The following RUVBL2 variants were observed in gnomAD, a reference collection of about 807,000 sequenced individuals.
The protein encoded by RUVBL2 is RuvB like AAA ATPase 2, also known as ruvB-like 2.
In RUVBL2, 9 loss-of-function variants were observed where a neutral mutation model predicts 57.9. The observed-to-expected ratio is 0.16, with a 90% CI of 0.09 to 0.27. The LOEUF is 0.27. Among genes scored for constraint, RUVBL2 ranks in the 10% least tolerant of loss-of-function variants. RUVBL2 has a pLI of 1.00. For missense variants in RUVBL2, 456 were observed against 669.6 expected (o/e 0.68, Z 3.52); for synonymous variants, 278 against 264.6 (o/e 1.05, Z -0.49).
intron 1 of RUVBL2, chr19:48,994,172 A>G (rs1397642823): frequency 1.7e-6 from 1 of 573,444 alleles, no homozygotes; most frequent in Non-Finnish European, 3.1e-6. Flanking sequence ...CCATCATGCT[A>G]TAGGAACTCC....
In RUVBL2 at chr19:49,007,081, C is replaced by T; in HGVS notation, c.329C>T (p.Ser110Phe). 6.2e-7 allele frequency: 1 copy of T among 1,613,282 alleles called. No individual in the cohort carries two copies. The highest frequency in any genetic ancestry group is 8.5e-7 in the Non-Finnish European group (1 of 1,180,040). The change falls in exon 5 of 15, where the codon TCC (serine) becomes TTC (phenylalanine). Residue 110 changes from serine (S) to phenylalanine (F), a missense_variant. By Grantham distance (155) the Ser-to-Phe change is radical (BLOSUM62 -2). Around this residue, in one of 5 missense-constraint regions of RUVBL2, gnomAD observed 233 missense variants for 306.0 expected, o/e 0.76. Transcript: ENST00000595090. ...FTAIAGSEIF[S>F]LEMSKTEALT... The stretch of plus-strand genomic sequence containing the variant: ...GCCATCGCCGGCAGTGAAATCTTCT[C>T]CCTGGAGATGAGCAAGACCGAGGCG...
chr19:48,998,256 G>T (rs983537100), intron 1 of RUVBL2, among the ~76,000 whole-genome samples: 4 of 152,230 alleles, frequency 2.6e-5, no homozygotes, highest in Non-Finnish European at 5.9e-5. Context: ...GGACTCAGGG[G>T]CCAGCATGTG....
intron 11 of RUVBL2, among the ~76,000 whole-genome samples, chr19:49,013,357 C>A (rs2039474315): frequency 6.6e-6 from 1 of 151,820 alleles, no homozygotes; most frequent in African/African-American, 2.4e-5. Context: ...GCCTCAGCCT[C>A]CCAAAGTGTT....
intron 2 of RUVBL2, among the ~76,000 whole-genome samples, chr19:49,001,187 A>G (rs1437694149): frequency 6.8e-6 from 1 of 147,098 alleles, no homozygotes; most frequent in African/African-American, 2.5e-5. Flanking sequence ...TTGGAGACGG[A>G]GTCTCGCTCT....
intron 1 of RUVBL2, 94 bp from the exon 2 acceptor site, chr19:48,999,225 G>A (rs934877455): frequency 1.5e-6 from 2 of 1,313,252 alleles, no homozygotes. Context: ...TGAGGGGAAG[G>A]AGTGGAAAGG....
intron 2 of RUVBL2, 149 bp from the exon 3 acceptor site, chr19:49,003,130 C>G: frequency 1.3e-6 from 1 of 756,800 alleles, no homozygotes; most frequent in Non-Finnish European, 2.4e-6. Flanking sequence ...TTGGGATATC[C>G]TTTCCATGTG....
rs1226999992 is a variant in RUVBL2 at position 49,009,857 on chromosome 19, C to G, written c.544C>G (p.Leu182Val). Residue 182 changes from leucine to valine, a missense_variant, in exon 7 of 15, where the codon CTG (leucine) becomes GTG (valine). Leu to Val is a conservative substitution (Grantham distance 32). Transcript: ENST00000595090. ...CCTGGGCACCAAGATGATTGAGTCC[C>G]TGACCAAGGACAAGGTCCAGGCCGG... ...YDLGTKMIESLTKDKVQAGDV... is the reference protein window; with the variant it reads ...YDLGTKMIESVTKDKVQAGDV... 4 of 1,613,982 alleles carry G rather than the reference C, an allele frequency of 2.5e-6. No individual in the cohort carries two copies. In the African/African-American group the frequency reaches 4.0e-5, roughly 16 times the overall value.
chr19:49,004,604 C>T (rs2039248635), intron 4 of RUVBL2, among the ~76,000 whole-genome samples, 186 bp downstream of exon 4: 1 of 152,102 alleles, frequency 6.6e-6, no homozygotes, highest in Non-Finnish European at 1.5e-5. Context: ...TAAGCAGTTC[C>T]AGGAAGTCTT....
At chr19:49,003,376 G>A in intron 3 of RUVBL2, 42 bp downstream of exon 3, 1 of 1,595,924 alleles carries the variant, frequency 6.3e-7, no homozygotes, top group Non-Finnish European at 8.6e-7. Context: ...TCTCCATGAA[G>A]GTCTTGGGTA....
At chr19:49,014,896 A>T in intron 12 of RUVBL2, 125 bp from the exon 13 acceptor site, 1 of 1,336,078 alleles carries the variant, frequency 7.5e-7, no homozygotes, top group Non-Finnish European at 1.0e-6. Context: ...TCAGCATTCT[A>T]TGGTTCTAAG....
chr19:49,008,775 C>T (rs939349347), intron 6 of RUVBL2, among the ~76,000 whole-genome samples: 10 of 151,688 alleles, frequency 6.6e-5, no homozygotes, highest in Admixed American at 3.3e-4. Flanking sequence ...GTCAGGAGTT[C>T]AAGACCAGCC....
chr19:49,001,670 T>C (rs1401389478), intron 2 of RUVBL2: 1 of 151,544 alleles, frequency 6.6e-6, no homozygotes, highest in Non-Finnish European at 1.5e-5. Flanking sequence ...TGGAGTGCAG[T>C]GGCGCAATCT....
At chr19:49,003,117 A>G (rs567304377) in intron 2 of RUVBL2, among the ~76,000 whole-genome samples, 162 bp from the exon 3 acceptor site, 26 of 152,192 alleles carry the variant, frequency 1.7e-4, no homozygotes, top group African/African-American at 5.1e-4. Flanking sequence ...GGGAGGTGCC[A>G]ATTTGGGATA....
chr19:49,012,650 C>T (rs2039451437), intron 11 of RUVBL2, among the ~76,000 whole-genome samples: 1 of 152,360 alleles, frequency 6.6e-6, no homozygotes. Context: ...TCACCTGACA[C>T]CCACTTTCCC....
chr19:49,014,582 C>A lies in RUVBL2; in HGVS notation c.1100C>A (p.Thr367Lys), dbSNP rs750596061. The A allele has an allele frequency of 6.2e-7, 1 of 1,613,976 alleles. No homozygotes were observed. The highest frequency in any genetic ancestry group is 1.3e-5 in the African/African-American group (1 of 74,940). Residue 367 changes from threonine to lysine, a missense_variant, in exon 12 of 15, where the codon ACG (threonine) becomes AAG (lysine). Physicochemically the swap from Thr to Lys is moderately conservative, Grantham distance 78. Transcript: ENST00000595090. ...VSTTPYSEKD[T>K]KQILRIRCEE... ...ACCACCCCCTACAGCGAGAAAGACA[C>A]GAAGCAGATCCTCCGCATCCGGTGC...
At position 49,009,878 on chromosome 19, in the gene RUVBL2, G is replaced by T. The variant is rs1308494789; in HGVS notation, c.565G>T (p.Ala189Ser). Residue 189 changes from alanine to serine, a missense_variant, in exon 7 of 15, where the codon GCC becomes TCC. Coordinates refer to ENST00000595090, the MANE Select transcript of RUVBL2 (RefSeq NM_006666.3). ...GTCCCTGACCAAGGACAAGGTCCAG[G>T]CCGGGTGAGCAGTCAGGGGCCATGC... Reference protein sequence around the residue: ...IESLTKDKVQAGDVITIDKAT... With the variant: ...IESLTKDKVQSGDVITIDKAT... 2.5e-6 allele frequency: 4 copies of T among 1,613,880 alleles called. No individual in the cohort carries two copies. The South Asian group carries it at 3.3e-5, about 13-fold the overall frequency.
chr19:49,008,774 TC>T (rs1275062405), intron 6 of RUVBL2, among the ~76,000 whole-genome samples: 1 of 151,582 alleles, frequency 6.6e-6, no homozygotes, highest in African/African-American at 2.4e-5. Flanking sequence ...AGTCAGGAGT[TC>T]AAGACCAGCC....
chr19:49,001,846 G>A (rs928517746), intron 2 of RUVBL2, among the ~76,000 whole-genome samples: 1 of 151,960 alleles, frequency 6.6e-6, no homozygotes, highest in African/African-American at 2.4e-5. Flanking sequence ...TCCTGACCTC[G>A]TGATCCGCCT....
rs368590178 is a variant in RUVBL2 at position 49,011,158 on chromosome 19, C to T, written c.883-34C>T. 2.7e-5 allele frequency: 44 copies of T among 1,608,734 alleles called. No homozygotes were observed. Among genetic ancestry groups the T allele is most frequent in the East Asian group, 2.0e-4 (9 of 44,852 alleles). On this transcript the variant is annotated intron_variant, in intron 10 of 14. Coordinates refer to ENST00000595090, the MANE Select transcript of RUVBL2 (RefSeq NM_006666.3). The surrounding 1 kb of genome is among the most constrained non-coding windows in gnomAD (Gnocchi z 4.4). ...GAGGTGGGCCGGGGAAGTGGGGACG[C>T]GGGTGGTGACTCTCACACACACCCC...
Sources: gnomAD v4.1 joint callset for allele counts (sites outside exome capture counted in the v4.1 genomes callset) on GRCh38, gnomAD v4.1.1 for gene constraint, gnomAD v4.1.1 regional missense constraint, Gnocchi (gnomAD v3.1) non-coding constraint, MANE v1.5 for transcripts, NCBI Gene and HGNC (gene_info 2026-07-23, HGNC 2026-07-21) for gene names.